The following ADAD1 variants were observed in gnomAD, a reference collection of about 807,000 sequenced individuals.
ADAD1 encodes adenosine deaminase domain containing 1, also known as adenosine deaminase domain-containing protein 1.
Under a neutral mutation model 66.8 loss-of-function variants are expected in ADAD1, and 46 were observed. That is an observed-to-expected ratio of 0.69 (90% CI 0.54 to 0.88). The LOEUF is 0.88. Among genes scored for constraint, ADAD1 ranks in the 40% least tolerant of loss-of-function variants. The probability of loss-of-function intolerance (pLI) is 0.00; values close to 1 mark genes in which losing one functional copy is unlikely to be tolerated. For missense variants in ADAD1, 617 were observed against 681.8 expected, an observed-to-expected ratio of 0.91 and a Z score of 1.06; for synonymous variants, 248 against 229.4, an observed-to-expected ratio of 1.08 and a Z score of -0.73.
At chr4:122,400,121 A>G (rs1374807550) in intron 7 of ADAD1, among the ~76,000 whole-genome samples, 1 of 152,260 alleles carries the variant, frequency 6.6e-6, no homozygotes, top group South Asian at 2.1e-4. Flanking sequence ...TTCCCTGTTC[A>G]GTATAATGTT....
At chr4:122,401,654 A>AT (rs1266499412) in intron 7 of ADAD1, among the ~76,000 whole-genome samples, 1 of 151,928 alleles carries the variant, frequency 6.6e-6, no homozygotes, top group Non-Finnish European at 1.5e-5. Flanking sequence ...AGTAGTAATT[A>AT]TTTTATAAAT....
chr4:122,427,412 G>GTCAC (rs1797293975), intron 12 of ADAD1, among the ~76,000 whole-genome samples: 1 of 150,820 alleles, frequency 6.6e-6, no homozygotes, highest in Non-Finnish European at 1.5e-5. Context: ...ATTGTTAGGT[G>GTCAC]TCACTTCTCT....
At chr4:122,409,843 G>A (rs1383460647) in intron 8 of ADAD1, among the ~76,000 whole-genome samples, 1 of 152,096 alleles carries the variant, frequency 6.6e-6, no homozygotes, top group Non-Finnish European at 1.5e-5. Flanking sequence ...GGGATTACAG[G>A]CACCTGCCAC....
At position 122,415,386 on chromosome 4, in the gene ADAD1, G is replaced by GA. The variant is rs1560601291; in HGVS notation, c.1259dup (p.Asn420LysfsTer4). The GA allele has an allele frequency of 6.2e-7, 1 of 1,612,252 alleles. No homozygotes were observed. On this transcript the variant is annotated frameshift_variant, in exon 11 of 13. Coordinates refer to ENST00000296513, the MANE Select transcript of ADAD1 (RefSeq NM_139243.4). LOFTEE classifies it high-confidence loss of function. Reference sequence around the variant, plus strand: ...TTTGTTTTTGCTTTCTAGGTGATGGGAATTGCAGTGATACCAGAGGCTTAG... The same window carrying GA: ...TTTGTTTTTGCTTTCTAGGTGATGGGAAATTGCAGTGATACCAGAGGCTTAG...
At chr4:122,424,394 T>G (rs550840197) in intron 12 of ADAD1, among the ~76,000 whole-genome samples, 1 of 147,026 alleles carries the variant, frequency 6.8e-6, no homozygotes, top group East Asian at 1.9e-4. Context: ...AAAACAACAC[T>G]GTGTTGTTGA....
chr4:122,379,957 C>T (rs1177451516), intron 2 of ADAD1, 105 bp from the exon 3 acceptor site: 31 of 1,160,856 alleles, frequency 2.7e-5, no homozygotes, highest in Non-Finnish European at 3.1e-5. Context: ...TGAATATGTG[C>T]CAAGGCCATT....
intron 7 of ADAD1, among the ~76,000 whole-genome samples, chr4:122,407,210 T>C (rs1040336193): frequency 6.6e-6 from 1 of 150,998 alleles, no homozygotes; most frequent in Admixed American, 6.6e-5. Context: ...AAGTAAGAGA[T>C]AGAAAGAATG....
intron 3 of ADAD1, chr4:122,380,511 A>C: frequency 2.3e-6 from 1 of 437,134 alleles, no homozygotes. Flanking sequence ...GGCGCAAGGG[A>C]AGATACTGGA....
At position 122,396,206 on chromosome 4, in the gene ADAD1, G is replaced by T. The variant is rs116315422; in HGVS notation, c.599-46G>T. 3,779 of 1,506,504 alleles carry T rather than the reference G, an allele frequency of 2.5e-3. 103 individuals are homozygous for T. The African/African-American group carries it at 0.048, about 19-fold the overall frequency. 93.3% of individuals were successfully genotyped at this position (1,506,504 alleles called of 1,614,324 possible). A position where few individuals can be genotyped will look rare whatever the true frequency, so the allele number is the denominator to read the frequency against. On this transcript the variant is annotated intron_variant, in intron 6 of 12. Coordinates refer to ENST00000296513, the MANE Select transcript of ADAD1 (RefSeq NM_139243.4). ...TAATAAGAATAATAAGACAGCTCTAGGAGGAGCACAATGTTCTTGAAATTT... is the reference window on the plus strand; with the variant it reads ...TAATAAGAATAATAAGACAGCTCTATGAGGAGCACAATGTTCTTGAAATTT...
At chr4:122,416,089 GT>G (rs1481118223) in intron 11 of ADAD1, among the ~76,000 whole-genome samples, 1 of 152,146 alleles carries the variant, frequency 6.6e-6, no homozygotes, top group Admixed American at 6.5e-5. Context: ...GTGTTATACT[GT>G]CTTATAATAA....
intron 7 of ADAD1, among the ~76,000 whole-genome samples, chr4:122,405,783 TA>T (rs1796181368): frequency 6.6e-6 from 1 of 152,198 alleles, no homozygotes; most frequent in Non-Finnish European, 1.5e-5. Flanking sequence ...ACTCTGTTTT[TA>T]CGAGTTCAAC....
rs1794757291 is a variant in ADAD1, at chr4:122,379,379, A to C, written c.-75A>C. 1 of 152,352 alleles carries C rather than the reference A, an allele frequency of 6.6e-6. No homozygotes were observed. The highest frequency in any genetic ancestry group is 2.4e-5 in the African/African-American group (1 of 41,474). 9.4% of individuals were successfully genotyped at this position (152,352 alleles called of 1,614,324 possible). A position where few individuals can be genotyped will look rare whatever the true frequency, so the allele number is the denominator to read the frequency against. On this transcript the variant is annotated 5_prime_UTR_variant, in exon 2 of 13. Transcript: ENST00000296513. ...TCGGCGTCTCTTCCCTAGGTGACGC[A>C]AGACGCGGAGCTCGGCTGCACGACG... is the stretch of plus-strand genomic sequence containing the variant.
At chr4:122,381,216 C>A in intron 4 of ADAD1, 36 bp downstream of exon 4, 1 of 1,509,162 alleles carries the variant, frequency 6.6e-7, no homozygotes, top group East Asian at 2.4e-5. Context: ...AAAAACAAAA[C>A]GAAAAGTATA....
rs1794756143 is a variant in ADAD1 at position 122,379,366 on chromosome 4, C to G, written c.-82-6C>G. ...ACGCCTGCGATGGTCGGCGTCTCTT[C>G]CCTAGGTGACGCAAGACGCGGAGCT... On this transcript the variant is annotated splice_region_variant and splice_polypyrimidine_tract_variant and intron_variant, in intron 1 of 12. Coordinates refer to ENST00000296513, the MANE Select transcript of ADAD1 (RefSeq NM_139243.4). 6.6e-6 allele frequency: 1 copy of G among 152,478 alleles called. No individual in the cohort carries two copies. The highest frequency in any genetic ancestry group is 1.5e-5 in the Non-Finnish European group (1 of 68,066). The allele number at this position is 152,478 out of a possible 1,614,324, so 9.4% of individuals were successfully genotyped here. A position where few individuals can be genotyped will look rare whatever the true frequency, so the allele number is the denominator to read the frequency against.
intron 11 of ADAD1, 82 bp downstream of exon 11, chr4:122,415,698 T>C: frequency 8.6e-7 from 1 of 1,166,670 alleles, no homozygotes; most frequent in Non-Finnish European, 1.2e-6. Context: ...CTGACTCTTT[T>C]GGATACTATT....
intron 11 of ADAD1, among the ~76,000 whole-genome samples, chr4:122,417,849 G>C (rs920820966): frequency 6.6e-6 from 1 of 152,116 alleles, no homozygotes; most frequent in Non-Finnish European, 1.5e-5. Context: ...TAACAAACCA[G>C]AATACTAGGA....
At chr4:122,405,968 A>T in intron 7 of ADAD1, among the ~76,000 whole-genome samples, 1 of 152,148 alleles carries the variant, frequency 6.6e-6, no homozygotes, top group African/African-American at 2.4e-5. Flanking sequence ...TGGTTTCTTT[A>T]TCTGTTCCTT....
At position 122,383,828 on chromosome 4, in the gene ADAD1, T is replaced by G. The variant is rs1306905676; in HGVS notation, c.391T>G (p.Cys131Gly). Reference protein sequence around the residue: ...GNVMGPYFAFCAVVDGIQYKT... With the variant: ...GNVMGPYFAFGAVVDGIQYKT... Reference sequence around the variant, plus strand: ...TGTTATGGGACCATATTTTGCCTTTTGTGCTGTGGTGGATGGTATTCAGTA... The same window carrying G: ...TGTTATGGGACCATATTTTGCCTTTGGTGCTGTGGTGGATGGTATTCAGTA... The change falls in exon 5 of 13, where the codon TGT becomes GGT. Residue 131 changes from cysteine to glycine, a missense_variant. Cys to Gly is a radical substitution (Grantham distance 159). Coordinates refer to ENST00000296513, the MANE Select transcript of ADAD1 (RefSeq NM_139243.4). 1 of 1,608,548 alleles carries G rather than the reference T, an allele frequency of 6.2e-7. No homozygotes were observed. Among genetic ancestry groups the G allele is most frequent in the Non-Finnish European group, 8.5e-7 (1 of 1,178,536 alleles).
intron 11 of ADAD1, 25 bp downstream of exon 11, chr4:122,415,641 C>A (rs1249522544): frequency 1.3e-6 from 2 of 1,576,176 alleles, no homozygotes; most frequent in Non-Finnish European, 1.7e-6. Flanking sequence ...TTTCTTTAAA[C>A]CATATATTAC....
Sources: gnomAD v4.1 joint callset for allele counts (sites outside exome capture counted in the v4.1 genomes callset) on GRCh38, gnomAD v4.1.1 for gene constraint, MANE v1.5 for transcripts, NCBI Gene and HGNC (gene_info 2026-07-23, HGNC 2026-07-21) for gene names.